PACRG: variants seen among roughly 807,000 people sequenced by gnomAD.
The protein encoded by PACRG is parkin coregulated.
In PACRG, 29 loss-of-function variants were observed where a neutral mutation model predicts 29.7. The ratio of observed to expected loss-of-function variants is 0.98; its 90% CI spans 0.73 to 1.33. The LOEUF (loss-of-function observed/expected upper bound fraction) is 1.33. Ranked by LOEUF, PACRG falls within the 40% of genes most tolerant of loss-of-function variation. The pLI is 0.00. For synonymous variants in PACRG, 116 were observed against 118.7 expected, an observed-to-expected ratio of 0.98 and a Z score of 0.15; for missense variants, 279 against 316.2, an observed-to-expected ratio of 0.88 and a Z score of 0.89.
intron 4 of PACRG, among the ~76,000 whole-genome samples, chr6:163,136,338 T>A (rs1411008046): frequency 6.6e-6 from 1 of 152,242 alleles, no homozygotes; most frequent in Non-Finnish European, 1.5e-5. Context: ...CCTTCGAAAT[T>A]ATCTGGTCTG....
intron 2 of PACRG, among the ~76,000 whole-genome samples, chr6:163,015,001 A>G (rs1262599035): frequency 2.0e-5 from 3 of 152,154 alleles, no homozygotes; most frequent in Non-Finnish European, 4.4e-5. Flanking sequence ...TAAATTCTCA[A>G]TTCATCTTGA....
chr6:163,228,924 G>A (rs1319857562), intron 4 of PACRG, among the ~76,000 whole-genome samples: 1 of 152,130 alleles, frequency 6.6e-6, no homozygotes. Context: ...CAAATGACCA[G>A]TTTACTTTCT....
chr6:163,237,972 G>A (rs780802283), intron 4 of PACRG, among the ~76,000 whole-genome samples: 1 of 152,188 alleles, frequency 6.6e-6, no homozygotes, highest in Non-Finnish European at 1.5e-5. Flanking sequence ...TGCAGCTAAA[G>A]TTCCTGGGGC....
chr6:163,168,699 C>T (rs1178416913), intron 4 of PACRG, among the ~76,000 whole-genome samples: 1 of 152,134 alleles, frequency 6.6e-6, no homozygotes, highest in Non-Finnish European at 1.5e-5. Context: ...AAACGAAAGA[C>T]CACCTTTACC....
In PACRG at chr6:163,172,975, A is replaced by G. The variant is rs182315165; in HGVS notation, c.613+83567A>G. 6.7e-4 allele frequency among the ~76,000 whole-genome samples: 102 copies of G among 152,360 alleles called. 1 individual carries two copies. The highest frequency in any genetic ancestry group is 2.4e-3 in the African/African-American group (98 of 41,586). ...TGTTTTGTTCTCATAATGGAATATT[A>G]TATCACCATTTAAATGAGTGGAGAG... is the stretch of plus-strand genomic sequence containing the variant. On this transcript the variant is annotated intron_variant, in intron 4 of 4. Transcript: ENST00000366888.
At chr6:162,929,112 C>G (rs902227990) in intron 2 of PACRG, among the ~76,000 whole-genome samples, 1 of 151,898 alleles carries the variant, frequency 6.6e-6, no homozygotes, top group Admixed American at 6.6e-5. Flanking sequence ...TATTGATTCC[C>G]TTTCTTCTGG....
chr6:163,113,811 A>G (rs1815838011), intron 4 of PACRG, among the ~76,000 whole-genome samples: 1 of 152,228 alleles, frequency 6.6e-6, no homozygotes, highest in Non-Finnish European at 1.5e-5. Context: ...ATATGTAGAA[A>G]TAAAGGTCTC....
At chr6:162,917,227 A>C (rs1796756829) in intron 2 of PACRG, among the ~76,000 whole-genome samples, 1 of 152,140 alleles carries the variant, frequency 6.6e-6, no homozygotes, top group Admixed American at 6.5e-5. Context: ...GGTAATATGA[A>C]GAAATTCTGA....
At chr6:163,212,969 G>A (rs1175850088) in intron 4 of PACRG, among the ~76,000 whole-genome samples, 2 of 152,152 alleles carry the variant, frequency 1.3e-5, no homozygotes, top group South Asian at 4.2e-4. Flanking sequence ...TATTAGACAT[G>A]GGGTTTCACC....
At chr6:162,930,274 G>A (rs1016815994) in intron 2 of PACRG, among the ~76,000 whole-genome samples, 2 of 151,606 alleles carry the variant, frequency 1.3e-5, no homozygotes, top group Non-Finnish European at 2.9e-5. Flanking sequence ...CCTTTTATCA[G>A]TGTTTTATAG....
intron 4 of PACRG, among the ~76,000 whole-genome samples, chr6:163,236,352 A>T (rs532058088): frequency 6.6e-6 from 1 of 152,168 alleles, no homozygotes; most frequent in Non-Finnish European, 1.5e-5. Context: ...TGACTCACTT[A>T]TGTATACTTA....
chr6:162,868,691 C>T (rs1426568929), intron 2 of PACRG, among the ~76,000 whole-genome samples: 3 of 152,038 alleles, frequency 2.0e-5, no homozygotes, highest in Non-Finnish European at 4.4e-5. Context: ...CTGCTTCCTG[C>T]GGGAGGAGAA....
chr6:162,790,491 T>A (rs976120535), intron 1 of PACRG, among the ~76,000 whole-genome samples: 3 of 151,984 alleles, frequency 2.0e-5, no homozygotes. Flanking sequence ...TCTATTGTTT[T>A]GTAGCAAGTC....
At chr6:162,727,539 G>C, upstream of PACRG, 1 of 1,110,136 alleles carries the variant, frequency 9.0e-7, no homozygotes, top group Non-Finnish European at 1.3e-6. Context: ...GGGACGGCAC[G>C]GGCACTTTGG....
intron 2 of PACRG, among the ~76,000 whole-genome samples, chr6:162,932,483 G>T (rs1317871445): frequency 6.6e-6 from 1 of 151,918 alleles, no homozygotes; most frequent in Admixed American, 6.6e-5. Flanking sequence ...TAAACATTTG[G>T]TAGAATTTAG....
intron 2 of PACRG, among the ~76,000 whole-genome samples, chr6:162,947,499 AT>A (rs1799209565): frequency 8.2e-6 from 1 of 121,240 alleles, no homozygotes; most frequent in Non-Finnish European, 1.6e-5. Context: ...ATATACTCAT[AT>A]ATATATAATC....
chr6:163,111,287 C>T (rs865983469), intron 4 of PACRG, among the ~76,000 whole-genome samples: 14 of 152,258 alleles, frequency 9.2e-5, no homozygotes, highest in South Asian at 6.2e-4. Flanking sequence ...TTTATGATCC[C>T]CTTGTAAACG....
chr6:163,076,858 C>T (rs1812595705), intron 3 of PACRG, among the ~76,000 whole-genome samples: 1 of 152,168 alleles, frequency 6.6e-6, no homozygotes, highest in African/African-American at 2.4e-5. Flanking sequence ...TATCCCCACT[C>T]TGCCTTCCCT....
rs758401756 is a variant in PACRG at position 163,055,527 on chromosome 6, A to C, written c.292-6623A>C. Among the ~76,000 whole-genome samples, 1 of 152,242 alleles carries C rather than the reference A, an allele frequency of 6.6e-6. No individual in the cohort carries two copies. Among genetic ancestry groups the C allele is most frequent in the Non-Finnish European group, 1.5e-5 (1 of 68,042 alleles). ...TAAAAAGGAACCCTGGAAGATATGT[A>C]AAAGGAATTTACATACAAAAAATCA... is the stretch of plus-strand genomic sequence containing the variant. On this transcript the variant is annotated intron_variant, in intron 2 of 4. Coordinates refer to ENST00000366888, the MANE Select transcript of PACRG (RefSeq NM_001080379.2). The surrounding 1 kb of genome is among the most constrained non-coding windows in gnomAD (Gnocchi z 4.0).
Sources: gnomAD v4.1 joint callset for allele counts (sites outside exome capture counted in the v4.1 genomes callset) on GRCh38, gnomAD v4.1.1 for gene constraint, Gnocchi (gnomAD v3.1) non-coding constraint, MANE v1.5 for transcripts, NCBI Gene and HGNC (gene_info 2026-07-23, HGNC 2026-07-21) for gene names.